Variants in RBFOX1 observed in about 807,000 individuals in gnomAD.
RBFOX1 encodes RNA binding protein fox-1 homolog 1.
Under a neutral mutation model 57.7 loss-of-function variants are expected in RBFOX1, and 8 were observed. The observed-to-expected ratio is 0.14, with a 90% CI of 0.08 to 0.25. The LOEUF (loss-of-function observed/expected upper bound fraction) is 0.25, where lower values mean the gene tolerates loss of function less well. Among genes scored for constraint, RBFOX1 ranks in the 10% least tolerant of loss-of-function variants. The pLI, the probability that RBFOX1 is intolerant of heterozygous loss-of-function variation, is 1.00. For missense variants in RBFOX1, 611 were observed against 548.5 expected (o/e 1.11, Z -1.14); for synonymous variants, 326 against 222.4 (o/e 1.47, Z -4.15).
At chr16:6,355,729 G>C (rs2087187977) in intron 2 of RBFOX1, among the ~76,000 whole-genome samples, 1 of 152,166 alleles carries the variant, frequency 6.6e-6, no homozygotes, top group Non-Finnish European at 1.5e-5. Flanking sequence ...CACAATGGCT[G>C]AACTAATTTA....
At chr16:6,337,615 A>G (rs898334665) in intron 2 of RBFOX1, among the ~76,000 whole-genome samples, 3 of 152,222 alleles carry the variant, frequency 2.0e-5, no homozygotes, top group African/African-American at 7.2e-5. Flanking sequence ...GGCTACAAAG[A>G]CACGTGCTGT....
rs34056673 is a variant in RBFOX1, at chr16:7,023,564, T to TAAAAA, written c.-15-28467_-15-28463dup. ...CAACATGGTGAAACTTCGTCTGTAC[T>TAAAAA]AAAAAAAAAAAAAAAAAAAAAAAAA... On this transcript the variant is annotated intron_variant, in intron 3 of 15. Transcript: ENST00000550418. Among the ~76,000 whole-genome samples the TAAAAA allele has an allele frequency of 9.0e-3, 396 of 43,914 alleles. 31 individuals are homozygous for TAAAAA. The highest frequency in any genetic ancestry group is 0.032 in the African/African-American group (361 of 11,180). 28.8% of individuals were successfully genotyped at this position (43,914 alleles called of 152,430 possible).
chr16:6,159,837 C>G lies in RBFOX1; in HGVS notation c.-127+139845C>G, dbSNP rs191537572. 2.6e-3 allele frequency among the ~76,000 whole-genome samples: 402 copies of G among 152,228 alleles called. 3 individuals are homozygous for G. Among genetic ancestry groups the G allele is most frequent in the Non-Finnish European group, 3.5e-3 (238 of 68,034 alleles). On this transcript the variant is annotated intron_variant, in intron 1 of 15. Transcript: ENST00000550418. Reference sequence around the variant, plus strand: ...GAAGTGGGCATGCAAAGTAACATTGCTTTTCCAAAGTGCCAAGAGGAGGAT... The same window carrying G: ...GAAGTGGGCATGCAAAGTAACATTGGTTTTCCAAAGTGCCAAGAGGAGGAT...
chr16:5,345,332 C>T (rs1368017108), intron 1 of RBFOX1, among the ~76,000 whole-genome samples: 1 of 152,186 alleles, frequency 6.6e-6, no homozygotes, highest in African/African-American at 2.4e-5. Context: ...CCCTTTTCCC[C>T]TTTTCCCTTC....
At chr16:5,717,000 G>C (rs1045642162) in intron 3 of RBFOX1, among the ~76,000 whole-genome samples, 5 of 152,000 alleles carry the variant, frequency 3.3e-5, no homozygotes, top group Admixed American at 3.3e-4. Context: ...GGCATAGGGA[G>C]CTGTATTAGC....
At chr16:7,666,992 T>C (rs1292122196) in intron 13 of RBFOX1, among the ~76,000 whole-genome samples, 1 of 152,216 alleles carries the variant, frequency 6.6e-6, no homozygotes, top group Non-Finnish European at 1.5e-5. Context: ...TCTCTGACTT[T>C]TCAGGCCACG....
At chr16:5,545,269 C>G (rs2045145149) in intron 2 of RBFOX1, among the ~76,000 whole-genome samples, 1 of 149,812 alleles carries the variant, frequency 6.7e-6, no homozygotes, top group Non-Finnish European at 1.5e-5. Flanking sequence ...TGAGCACGCC[C>G]TGCCCTTAGT....
At chr16:7,083,830 C>T (rs2059568720) in intron 4 of RBFOX1, among the ~76,000 whole-genome samples, 1 of 152,100 alleles carries the variant, frequency 6.6e-6, no homozygotes, top group Admixed American at 6.5e-5. Context: ...ACACATAGTG[C>T]ATCTTGGCTT....
intron 1 of RBFOX1, among the ~76,000 whole-genome samples, chr16:5,264,446 G>A (rs2062810772): frequency 6.6e-6 from 1 of 152,264 alleles, no homozygotes; most frequent in South Asian, 2.1e-4. Context: ...TGTATAAAAT[G>A]TTCATGGGTC....
intron 3 of RBFOX1, among the ~76,000 whole-genome samples, chr16:6,863,529 A>G (rs1450496341): frequency 1.3e-5 from 2 of 152,060 alleles, no homozygotes; most frequent in African/African-American, 4.8e-5. Context: ...AATACTAATT[A>G]CAATTATTTT....
chr16:6,481,044 A>T (rs531763011), intron 2 of RBFOX1, among the ~76,000 whole-genome samples: 22 of 152,320 alleles, frequency 1.4e-4, no homozygotes, highest in African/African-American at 5.1e-4. Context: ...TAGGACAGAC[A>T]TTAGAAGTAG....
At chr16:7,641,629 G>C (rs533467271) in intron 11 of RBFOX1, among the ~76,000 whole-genome samples, 2 of 152,170 alleles carry the variant, frequency 1.3e-5, no homozygotes, top group African/African-American at 2.4e-5. Context: ...TGCTACAGGA[G>C]TCTCAAACAT....
At position 7,607,346 on chromosome 16, in the gene RBFOX1, G is replaced by A. The variant is rs1420024348; in HGVS notation, c.676+8G>A. 1.2e-6 allele frequency: 2 copies of A among 1,607,520 alleles called. No individual in the cohort carries two copies. The highest frequency in any genetic ancestry group is 8.5e-7 in the Non-Finnish European group (1 of 1,178,092). On this transcript the variant is annotated splice_region_variant and intron_variant, in intron 10 of 15. Coordinates refer to ENST00000550418, the MANE Select transcript of RBFOX1 (RefSeq NM_018723.4). ...GTCCCGAATTCTATGCAGGTACAGA[G>A]TTTCTCTTTGCACGAAGTCTTCTCA... is the stretch of plus-strand genomic sequence containing the variant.
At chr16:6,868,866 G>A (rs1603634529) in intron 3 of RBFOX1, among the ~76,000 whole-genome samples, 7 of 152,174 alleles carry the variant, frequency 4.6e-5, no homozygotes, top group Admixed American at 4.6e-4. Flanking sequence ...AAATATGCAG[G>A]GAGGTGATGT....
intron 1 of RBFOX1, among the ~76,000 whole-genome samples, chr16:6,033,137 C>T (rs1032713025): frequency 7.2e-5 from 11 of 152,128 alleles, no homozygotes; most frequent in African/African-American, 1.9e-4. Context: ...TAGTTAGTTC[C>T]TCCGCAGACA....
At chr16:7,643,399 A>T (rs1325989123) in intron 11 of RBFOX1, among the ~76,000 whole-genome samples, 3 of 152,252 alleles carry the variant, frequency 2.0e-5, no homozygotes, top group African/African-American at 4.8e-5. Flanking sequence ...ATTTGATAAC[A>T]TATTAAAAAA....
At chr16:6,824,822 G>T (rs114561866) in intron 3 of RBFOX1, among the ~76,000 whole-genome samples, 1,936 of 151,896 alleles carry the variant, frequency 0.013, 38 homozygotes, top group African/African-American at 0.045. Flanking sequence ...ACATGTCAAA[G>T]ATAATACATG....
At chr16:7,378,109 G>A (rs1463738123) in intron 4 of RBFOX1, among the ~76,000 whole-genome samples, 1 of 152,326 alleles carries the variant, frequency 6.6e-6, no homozygotes, top group East Asian at 1.9e-4. Context: ...GAATAATTGA[G>A]AAGTAGATCA....
chr16:6,701,425 G>C (rs1428873200), intron 3 of RBFOX1, among the ~76,000 whole-genome samples: 3 of 152,204 alleles, frequency 2.0e-5, no homozygotes, highest in Non-Finnish European at 1.5e-5. Flanking sequence ...TTACATTGCT[G>C]TAAAGGAATA....
Sources: gnomAD v4.1 joint callset for allele counts (sites outside exome capture counted in the v4.1 genomes callset) on GRCh38, gnomAD v4.1.1 for gene constraint, MANE v1.5 for transcripts, NCBI Gene and HGNC (gene_info 2026-07-23, HGNC 2026-07-21) for gene names.